Variants in PLIN1 observed in about 807,000 individuals in gnomAD.
PLIN1 encodes perilipin 1.
Under a neutral mutation model 45.8 loss-of-function variants are expected in PLIN1, and 37 were observed. The observed-to-expected ratio is 0.81, with a 90% CI of 0.62 to 1.06. The LOEUF is 1.06. PLIN1 is among the 50% of genes least tolerant of loss of function. The pLI, the probability that PLIN1 is intolerant of heterozygous loss-of-function variation, is 0.00. For synonymous variants in PLIN1, 340 were observed against 309.2 expected, an observed-to-expected ratio of 1.10 and a Z score of -1.05; for missense variants, 776 against 716.5, an observed-to-expected ratio of 1.08 and a Z score of -0.95.
At position 89,673,270 on chromosome 15, in the gene PLIN1, T is replaced by G; in HGVS notation, c.190A>C (p.Ser64Arg). 1 of 1,581,456 alleles carries G rather than the reference T, an allele frequency of 6.3e-7. No individual in the cohort carries two copies. Among genetic ancestry groups the G allele is most frequent in the Non-Finnish European group, 8.6e-7 (1 of 1,162,412 alleles). ...CTCCAGGCAGCCAAGCTACTGGCGC[T>G]CTGCACGCCCTTCTCATAGGCATTG... ...VCNAYEKGVQ[S>R]ASSLAAWSME... The change falls in exon 3 of 9, where the codon AGC becomes CGC. Residue 64 changes from serine to arginine, a missense_variant. Ser to Arg is a moderately radical substitution (Grantham distance 110). Transcript: ENST00000300055.
At chr15:89,677,348 G>A (rs1964534654) in intron 2 of PLIN1, 97 bp downstream of exon 2, 2 of 964,988 alleles carry the variant, frequency 2.1e-6, no homozygotes, top group African/African-American at 1.6e-5. Context: ...TATAATCTGG[G>A]AATATCTTGC....
Position 89,665,382 on chromosome 15 carries a change from A to G in PLIN1, c.*201T>C, listed in dbSNP as rs114477125. 1.8e-3 allele frequency: 700 copies of G among 392,838 alleles called. 3 individuals carry two copies. The highest frequency in any genetic ancestry group is 0.013 in the African/African-American group (633 of 48,216). The allele number at this position is 392,838 out of a possible 1,614,324, so 24.3% of individuals were successfully genotyped here. ...TGGTGTCCCTTAAAAACTGGCTCTG[A>G]GAGTGAAGCCCCAAAAGGATGCTAA... On this transcript the variant is annotated 3_prime_UTR_variant, in exon 9 of 9. Transcript: ENST00000300055.
At position 89,669,604 on chromosome 15, in the gene PLIN1, C is replaced by T. The variant is rs1357411756; in HGVS notation, c.667G>A (p.Gly223Arg). 1 of 1,614,068 alleles carries T rather than the reference C, an allele frequency of 6.2e-7. No homozygotes were observed. Among genetic ancestry groups the T allele is most frequent in the South Asian group, 1.1e-5 (1 of 91,088 alleles). The change falls in exon 6 of 9, where the codon GGG (glycine) becomes AGG (arginine). Residue 223 changes from glycine (G) to arginine (R), a missense_variant. Coordinates refer to ENST00000300055, the MANE Select transcript of PLIN1 (RefSeq NM_002666.5). ...KAKPSLLSRV[G>R]ALTNTLSRYT... is the part of the protein sequence containing the mutation. Reference sequence around the variant, plus strand: ...CGAGAGAGGGTGTTGGTCAGAGCCCCAACCCTGCTCAAGAGGCTTGGCTTG... The same window carrying T: ...CGAGAGAGGGTGTTGGTCAGAGCCCTAACCCTGCTCAAGAGGCTTGGCTTG...
chr15:89,667,530 T>C, intron 7 of PLIN1, 72 bp downstream of exon 7: 1 of 1,612,396 alleles, frequency 6.2e-7, no homozygotes. Context: ...AGGCCCTGAG[T>C]TCACCCTATG....
intron 2 of PLIN1, among the ~76,000 whole-genome samples, chr15:89,676,367 T>C (rs372306090): frequency 1.2e-4 from 19 of 152,066 alleles, no homozygotes; most frequent in East Asian, 5.8e-4. Context: ...CCTGCCTCAG[T>C]CTCCCAAGTA....
Position 89,677,721 on chromosome 15 carries a change from C to T in PLIN1, c.-14-218G>A, listed in dbSNP as rs1964540063. The T allele has an allele frequency of 5.2e-6, 3 of 574,994 alleles. No individual in the cohort carries two copies. In the East Asian group the frequency reaches 8.4e-5, roughly 16 times the overall value. 35.6% of individuals were successfully genotyped at this position (574,994 alleles called of 1,614,324 possible). A position where few individuals can be genotyped will look rare whatever the true frequency, so the allele number is the denominator to read the frequency against. On this transcript the variant is annotated intron_variant, in intron 1 of 8. Coordinates refer to ENST00000300055, the MANE Select transcript of PLIN1 (RefSeq NM_002666.5). ...TTGCTCCATAGCTTACTTGTCAAGA[C>T]TGATGTTTCTTTCTTTTTCTTTTCT...
Position 89,665,288 on chromosome 15 carries a change from G to T in PLIN1, c.*295C>A. The T allele has an allele frequency of 3.6e-6, 1 of 275,590 alleles. No individual in the cohort carries two copies. The highest frequency in any genetic ancestry group is 6.8e-6 in the Non-Finnish European group (1 of 146,414). 17.1% of individuals were successfully genotyped at this position (275,590 alleles called of 1,614,324 possible). A position where few individuals can be genotyped will look rare whatever the true frequency, so the allele number is the denominator to read the frequency against. Reference sequence around the variant, plus strand: ...TGGCCACAAGTTTGGTTAAAGAGATGAAAAATCAAGTTAGGCAATTACTCT... The same window carrying T: ...TGGCCACAAGTTTGGTTAAAGAGATTAAAAATCAAGTTAGGCAATTACTCT... On this transcript the variant is annotated 3_prime_UTR_variant, in exon 9 of 9. Coordinates refer to ENST00000300055, the MANE Select transcript of PLIN1 (RefSeq NM_002666.5).
At position 89,665,779 on chromosome 15, in the gene PLIN1, C is replaced by G. The variant is rs1964327398; in HGVS notation, c.1373G>C (p.Ser458Thr). Residue 458 changes from serine to threonine, a missense_variant, in exon 9 of 9, where the codon AGC becomes ACC. Physicochemically the swap from Ser to Thr is moderately conservative, Grantham distance 58. Coordinates refer to ENST00000300055, the MANE Select transcript of PLIN1 (RefSeq NM_002666.5). ...GGGGGGCGCGCCGGGGCTCTGCGCG[C>G]TGCGCAGGCTGCGGCGGGGCTGTGC... ...RLAQPRRSLR[S>T]AQSPGAPPGP... 7.9e-7 allele frequency: 1 copy of G among 1,261,522 alleles called. No homozygotes were observed. Among genetic ancestry groups the G allele is most frequent in the Non-Finnish European group, 9.9e-7 (1 of 1,007,806 alleles). The allele number at this position is 1,261,522 out of a possible 1,614,324, so 78.1% of individuals were successfully genotyped here.
chr15:89,667,280 A>G (rs1964363486), intron 7 of PLIN1, 99 bp from the exon 8 acceptor site: 2 of 1,525,590 alleles, frequency 1.3e-6, no homozygotes, highest in Admixed American at 3.4e-5. Flanking sequence ...GAGAATACCA[A>G]ATTTACAAAA....
chr15:89,677,989 C>G (rs562427320), intron 1 of PLIN1: 6 of 157,492 alleles, frequency 3.8e-5, no homozygotes, highest in Admixed American at 3.6e-4. Flanking sequence ...GAACTCCTGA[C>G]CTCAAGTGAT....
At chr15:89,666,895 C>G in intron 8 of PLIN1, 41 bp downstream of exon 8, 1 of 1,610,822 alleles carries the variant, frequency 6.2e-7, no homozygotes, top group Non-Finnish European at 8.5e-7. Context: ...CATGTCCAGG[C>G]CCCCTTGGGA....
At position 89,664,495 on chromosome 15, in the gene PLIN1, T is replaced by A. The variant is rs1964300096; in HGVS notation, c.*1088A>T. On this transcript the variant is annotated 3_prime_UTR_variant, in exon 9 of 9. Transcript: ENST00000300055. ...AAGGCGTATCCATATTATGCAGTAG[T>A]TATTATGTGGCCATCAAAAAGAGCG... 2 of 174,514 alleles carry A rather than the reference T, an allele frequency of 1.1e-5. No individual in the cohort carries two copies. Among genetic ancestry groups the A allele is most frequent in the South Asian group, 2.5e-4 (2 of 7,938 alleles). 10.8% of individuals were successfully genotyped at this position (174,514 alleles called of 1,614,324 possible). A position where few individuals can be genotyped will look rare whatever the true frequency, so the allele number is the denominator to read the frequency against.
intron 2 of PLIN1, 54 bp from the exon 3 acceptor site, chr15:89,673,468 G>A: frequency 6.9e-7 from 1 of 1,448,954 alleles, no homozygotes. Flanking sequence ...CAGCCTCCCG[G>A]GAAGCTGACC....
rs1306987016 is a variant in PLIN1, at chr15:89,665,817, G to A, written c.1335C>T (p.Pro445=). 2.2e-6 allele frequency: 3 copies of A among 1,380,708 alleles called. No individual in the cohort carries two copies. Among genetic ancestry groups the A allele is most frequent in the Non-Finnish European group, 2.8e-6 (3 of 1,065,390 alleles). 85.5% of individuals were successfully genotyped at this position (1,380,708 alleles called of 1,614,324 possible). A position where few individuals can be genotyped will look rare whatever the true frequency, so the allele number is the denominator to read the frequency against. The change falls in exon 9 of 9, where the codon CCC becomes CCT. Residue 445 remains proline, a synonymous_variant. Coordinates refer to ENST00000300055, the MANE Select transcript of PLIN1 (RefSeq NM_002666.5). The stretch of plus-strand genomic sequence containing the variant: ...GGCGGGGCTGTGCGAGACGCGGGGC[G>A]GGCTCCGGGCCGGCGGACGGCGCCC... The part of the protein sequence containing the change: ...ASGAPSAGPE[P]APRLAQPRRS...
Position 89,664,714 on chromosome 15 carries a change from C to G in PLIN1, c.*869G>C. 2.6e-6 allele frequency: 1 copy of G among 392,042 alleles called. No individual in the cohort carries two copies. Among genetic ancestry groups the G allele is most frequent in the Non-Finnish European group, 5.1e-6 (1 of 194,972 alleles). 24.3% of individuals were successfully genotyped at this position (392,042 alleles called of 1,614,324 possible). On this transcript the variant is annotated 3_prime_UTR_variant, in exon 9 of 9. Transcript: ENST00000300055. ...TTCAATGAAGGGGAACAGGGGAGCT[C>G]GGGGAGAAAGACACACATCCTTTTG...
At chr15:89,666,142 A>G (rs895244579) in intron 8 of PLIN1, among the ~76,000 whole-genome samples, 200 bp from the exon 9 acceptor site, 1 of 152,232 alleles carries the variant, frequency 6.6e-6, no homozygotes, top group Non-Finnish European at 1.5e-5. Flanking sequence ...TCCATGGACC[A>G]GGCTGCTCAG....
At position 89,667,101 on chromosome 15, in the gene PLIN1, C is replaced by T. The variant is rs759801892; in HGVS notation, c.1044G>A (p.Ser348=). The change falls in exon 8 of 9, where the codon TCG becomes TCA. Residue 348 remains serine, a synonymous_variant. Transcript: ENST00000300055. ...CAGCTGCAGGTGCCCATGTCACAGCCGAGATGGTGGTCTGGAGGGTCTTCT... is the reference window on the plus strand; with the variant it reads ...CAGCTGCAGGTGCCCATGTCACAGCTGAGATGGTGGTCTGGAGGGTCTTCT... The part of the protein sequence containing the change: ...TLQKTLQTTI[S]AVTWAPAAVL... 16 of 1,613,966 alleles carry T rather than the reference C, an allele frequency of 9.9e-6. No individual in the cohort carries two copies. Among genetic ancestry groups the T allele is most frequent in the East Asian group, 2.2e-5 (1 of 44,878 alleles).
chr15:89,666,998 G>T lies in PLIN1; in HGVS notation c.1147C>A (p.Leu383Ile), dbSNP rs1181589970. ...VSSTKGRAMS[L>I]SDALKGVTDN... ...GTAACGCCCTTCAGGGCATCTGATAGGGACATGGCCCTCCCCTTGGTTGAG... is the reference window on the plus strand; with the variant it reads ...GTAACGCCCTTCAGGGCATCTGATATGGACATGGCCCTCCCCTTGGTTGAG... Residue 383 changes from leucine (L) to isoleucine (I), a missense_variant, in exon 8 of 9, where the codon CTA becomes ATA. Transcript: ENST00000300055. 6.2e-7 allele frequency: 1 copy of T among 1,614,116 alleles called. No individual in the cohort carries two copies. Among genetic ancestry groups the T allele is most frequent in the Non-Finnish European group, 8.5e-7 (1 of 1,179,974 alleles).
intron 4 of PLIN1, among the ~76,000 whole-genome samples, chr15:89,670,876 C>T (rs959102040): frequency 6.6e-6 from 1 of 152,072 alleles, no homozygotes; most frequent in African/African-American, 2.4e-5. Context: ...AAGAAGAGCG[C>T]TTGATAAAGC....
Sources: gnomAD v4.1 joint callset for allele counts (sites outside exome capture counted in the v4.1 genomes callset) on GRCh38, gnomAD v4.1.1 for gene constraint, MANE v1.5 for transcripts, NCBI Gene and HGNC (gene_info 2026-07-23, HGNC 2026-07-21) for gene names.